The following NCBP1 variants were observed in gnomAD, a reference collection of about 807,000 sequenced individuals.
NCBP1 encodes nuclear cap binding protein subunit 1.
A neutral mutation model predicts 111.7 loss-of-function variants in NCBP1; 16 were observed. The observed-to-expected ratio is 0.14, with a 90% CI of 0.10 to 0.22. NCBP1 has a LOEUF of 0.22. Ranked by LOEUF, NCBP1 falls within the 10% of genes least tolerant of loss-of-function variation. The pLI, the probability that NCBP1 is intolerant of heterozygous loss-of-function variation, is 1.00. For missense variants in NCBP1, 607 were observed against 957.5 expected (o/e 0.63, Z 4.83); for synonymous variants, 304 against 314.3 (o/e 0.97, Z 0.35).
chr9:97,643,408 G>C, intron 4 of NCBP1, 48 bp downstream of exon 4: 1 of 1,464,204 alleles, frequency 6.8e-7, no homozygotes, highest in Middle Eastern at 2.2e-4. Context: ...TTGGGATGGA[G>C]GGAAAAGGTG....
intron 13 of NCBP1, 89 bp from the exon 14 acceptor site, chr9:97,655,915 CTTGTAAG>C (rs1587714889): frequency 1.5e-6 from 2 of 1,375,582 alleles, no homozygotes; most frequent in East Asian, 4.7e-5. Context: ...CTTAACAAAA[CTTGTAAG>C]TTGTTATAAG....
At chr9:97,657,068 C>T (rs778989732) in intron 14 of NCBP1, among the ~76,000 whole-genome samples, 36 of 152,136 alleles carry the variant, frequency 2.4e-4, no homozygotes, top group Non-Finnish European at 1.9e-4. Flanking sequence ...TCCGGGTTCA[C>T]GCCATTCTCC....
intron 21 of NCBP1, 129 bp from the exon 22 acceptor site, chr9:97,669,464 G>A (rs1587729903): frequency 3.2e-6 from 2 of 633,204 alleles, no homozygotes; most frequent in African/African-American, 1.8e-5. Context: ...ATGAATAATG[G>A]AAGCTAGGCA....
chr9:97,637,708 G>T (rs1440076811), intron 1 of NCBP1, among the ~76,000 whole-genome samples: 3 of 152,168 alleles, frequency 2.0e-5, no homozygotes, highest in Non-Finnish European at 4.4e-5. Context: ...AAAAAGAAGG[G>T]AACAGTGTGC....
intron 18 of NCBP1, among the ~76,000 whole-genome samples, chr9:97,663,375 T>G (rs1014261915): frequency 6.6e-6 from 1 of 152,232 alleles, no homozygotes; most frequent in Non-Finnish European, 1.5e-5. Flanking sequence ...AAGAAACATT[T>G]AAATAAATTT....
chr9:97,644,936 G>T (rs530082742), intron 4 of NCBP1, among the ~76,000 whole-genome samples, 181 bp from the exon 5 acceptor site: 7 of 151,222 alleles, frequency 4.6e-5, no homozygotes, highest in African/African-American at 1.5e-4. Context: ...TTTTTTTCAC[G>T]CATTTAAAAA....
In NCBP1 at chr9:97,668,864, A is replaced by C. The variant is rs779211238; in HGVS notation, c.2035A>C (p.Arg679=). The part of the protein sequence containing the change: ...QHKRRSDDDD[R]SSDRKDGVLE... ...TCTATAGCGAAGTGATGATGACGAC[A>C]GAAGCAGTGACAGGAAAGACGGGGT... The change falls in exon 21 of 23, where the codon AGA becomes CGA. Residue 679 remains arginine (R), a synonymous_variant. Coordinates refer to ENST00000375147, the MANE Select transcript of NCBP1 (RefSeq NM_002486.5). The C allele has an allele frequency of 1.9e-6, 3 of 1,613,244 alleles. No individual in the cohort carries two copies. The East Asian group carries it at 6.7e-5, about 36-fold the overall frequency.
At chr9:97,653,412 C>T (rs931377237) in intron 10 of NCBP1, among the ~76,000 whole-genome samples, 3 of 152,116 alleles carry the variant, frequency 2.0e-5, no homozygotes, top group Admixed American at 6.5e-5. Flanking sequence ...TGAGCCACTG[C>T]GCCCAGCCTA....
rs1828175091 is a variant in NCBP1, at chr9:97,671,034, A to T, written c.2260-52A>T. 8.3e-6 allele frequency: 10 copies of T among 1,211,706 alleles called. No individual in the cohort carries two copies. In the South Asian group the frequency reaches 1.2e-4, roughly 14 times the overall value. 75.1% of individuals were successfully genotyped at this position (1,211,706 alleles called of 1,614,324 possible). ...GCTGCTGAAGGAAATGTTCCACAAGATTGCTTATATGCTTTTTCCTGACCT... is the reference window on the plus strand; with the variant it reads ...GCTGCTGAAGGAAATGTTCCACAAGTTTGCTTATATGCTTTTTCCTGACCT... On this transcript the variant is annotated intron_variant, in intron 22 of 22. Transcript: ENST00000375147.
chr9:97,657,278 T>G (rs1827687911), intron 14 of NCBP1, among the ~76,000 whole-genome samples: 1 of 152,222 alleles, frequency 6.6e-6, no homozygotes, highest in African/African-American at 2.4e-5. Context: ...GTCTGAAATC[T>G]TATCCAGGTA....
At chr9:97,660,424 A>C (rs2131358147) in intron 15 of NCBP1, among the ~76,000 whole-genome samples, 1 of 152,342 alleles carries the variant, frequency 6.6e-6, no homozygotes, top group Middle Eastern at 3.4e-3. Context: ...TGACTTACGT[A>C]GATTCAAGCT....
rs1008478933 is a variant in NCBP1, at chr9:97,640,677, TCTA to T, written c.35-114_35-112del. On this transcript the variant is annotated intron_variant, in intron 1 of 22. Coordinates refer to ENST00000375147, the MANE Select transcript of NCBP1 (RefSeq NM_002486.5). ...AGAAATGGAGGGTCTGTGAAGAGCT[TCTA>T]CTCTGTAAAAACATAGGGCCTGGTA... The T allele has an allele frequency of 1.9e-5, 14 of 747,904 alleles. No homozygotes were observed. The African/African-American group carries it at 2.3e-4, about 12-fold the overall frequency. The allele number at this position is 747,904 out of a possible 1,614,324, so 46.3% of individuals were successfully genotyped here.
intron 14 of NCBP1, 60 bp downstream of exon 14, chr9:97,656,145 C>G (rs1297469505): frequency 1.5e-6 from 2 of 1,303,774 alleles, no homozygotes; most frequent in Non-Finnish European, 2.2e-6. Flanking sequence ...CTCTTCTCTG[C>G]ACTTGTGATG....
intron 8 of NCBP1, 100 bp downstream of exon 8, chr9:97,648,323 G>C: frequency 8.9e-7 from 1 of 1,124,908 alleles, no homozygotes; most frequent in Non-Finnish European, 1.3e-6. Flanking sequence ...TTAATTTTGA[G>C]TTGTTTTTAT....
chr9:97,663,515 C>T (rs1735182731), intron 18 of NCBP1, among the ~76,000 whole-genome samples: 1 of 151,916 alleles, frequency 6.6e-6, no homozygotes, highest in Non-Finnish European at 1.5e-5. Context: ...GACAGAGTCT[C>T]ACTCTGTCAC....
chr9:97,655,847 TTTAA>T, intron 13 of NCBP1, 83 bp downstream of exon 13: 1 of 1,415,288 alleles, frequency 7.1e-7, no homozygotes, highest in Non-Finnish European at 9.7e-7. Context: ...GTCTGAAATA[TTTAA>T]TTTCTTGGAA....
At chr9:97,654,060 CTG>C (rs373375962) in intron 11 of NCBP1, 152 bp downstream of exon 11, 74 of 600,328 alleles carry the variant, frequency 1.2e-4, no homozygotes, top group African/African-American at 1.2e-3. Context: ...ACTTGTATGT[CTG>C]TAAATACATA....
intron 21 of NCBP1, 25 bp from the exon 22 acceptor site, chr9:97,669,568 A>G (rs774026203): frequency 1.6e-5 from 24 of 1,500,918 alleles, no homozygotes; most frequent in Non-Finnish European, 2.1e-5. Flanking sequence ...CTGTAGTACT[A>G]CCTTAACTTC....
chr9:97,666,996 C>T, intron 20 of NCBP1, 119 bp downstream of exon 20: 1 of 747,658 alleles, frequency 1.3e-6, no homozygotes, highest in Non-Finnish European at 2.0e-6. Context: ...TAATGCAGAG[C>T]AGAAATTTTT....
Sources: gnomAD v4.1 joint callset for allele counts (sites outside exome capture counted in the v4.1 genomes callset) on GRCh38, gnomAD v4.1.1 for gene constraint, MANE v1.5 for transcripts, NCBI Gene and HGNC (gene_info 2026-07-23, HGNC 2026-07-21) for gene names.